EFCAB6: variants seen among roughly 807,000 people sequenced by gnomAD.
EFCAB6 encodes the protein EF-hand calcium binding domain 6.
Under a neutral mutation model 169.8 loss-of-function variants are expected in EFCAB6, and 156 were observed. The ratio of observed to expected loss-of-function variants is 0.92; its 90% CI spans 0.81 to 1.05. EFCAB6 has a LOEUF of 1.05. EFCAB6 is among the 50% of genes least tolerant of loss of function. EFCAB6 has a pLI of 0.00. For synonymous variants in EFCAB6, 698 were observed against 676.4 expected (o/e 1.03, Z -0.50); for missense variants, 1,800 against 1,829.1 (o/e 0.98, Z 0.29).
intron 17 of EFCAB6, among the ~76,000 whole-genome samples, chr22:43,661,290 A>G (rs1344864334): frequency 6.6e-6 from 1 of 152,098 alleles, no homozygotes; most frequent in Non-Finnish European, 1.5e-5. Context: ...CAGTGGGAGG[A>G]TCACTTCAGC....
intron 17 of EFCAB6, among the ~76,000 whole-genome samples, chr22:43,651,220 G>A (rs1460950689): frequency 6.6e-6 from 1 of 152,196 alleles, no homozygotes; most frequent in African/African-American, 2.4e-5. Flanking sequence ...GCTGGGCCCA[G>A]GGTCCCTGAG....
At chr22:43,608,425 C>G (rs12485238) in intron 22 of EFCAB6, 57 bp downstream of exon 22, 79,679 of 1,511,256 alleles carry the variant, frequency 0.053, 2,445 homozygotes, top group Admixed American at 0.091. Context: ...GAATTTGCCA[C>G]AGCAAGCACC....
At chr22:43,641,886 TA>T (rs1206018512) in intron 17 of EFCAB6, among the ~76,000 whole-genome samples, 1 of 152,212 alleles carries the variant, frequency 6.6e-6, no homozygotes, top group Non-Finnish European at 1.5e-5. Flanking sequence ...TGTTTATATT[TA>T]AGCCAGAGAT....
At chr22:43,619,977 T>C (rs764544144) in intron 20 of EFCAB6, among the ~76,000 whole-genome samples, 6 of 151,956 alleles carry the variant, frequency 3.9e-5, no homozygotes, top group Non-Finnish European at 7.4e-5. Flanking sequence ...AATCATAAAT[T>C]ATAATCAATT....
At chr22:43,683,929 C>G (rs1312761955) in intron 11 of EFCAB6, 74 bp from the exon 12 acceptor site, 28 of 1,104,188 alleles carry the variant, frequency 2.5e-5, no homozygotes, top group Non-Finnish European at 3.3e-5. Flanking sequence ...ATGCAAGAAA[C>G]AAGCACCCTC....
At chr22:43,676,045 T>C (rs927756595) in intron 13 of EFCAB6, among the ~76,000 whole-genome samples, 8 of 150,862 alleles carry the variant, frequency 5.3e-5, no homozygotes, top group Non-Finnish European at 1.5e-5. Flanking sequence ...TTATGATGAG[T>C]TTTTAATGAT....
intron 30 of EFCAB6, among the ~76,000 whole-genome samples, chr22:43,534,448 T>C (rs1243558263): frequency 6.6e-6 from 1 of 152,184 alleles, no homozygotes; most frequent in Admixed American, 6.5e-5. Context: ...AATGGACTAA[T>C]ACATCCCATC....
At chr22:43,811,245 A>C (rs1297936546) in intron 1 of EFCAB6, among the ~76,000 whole-genome samples, 1 of 145,742 alleles carries the variant, frequency 6.9e-6, no homozygotes, top group Non-Finnish European at 1.5e-5. Flanking sequence ...GCTGCACTCC[A>C]GCCTGGGTGA....
chr22:43,802,657 G>T, intron 2 of EFCAB6: 1 of 475,216 alleles, frequency 2.1e-6, no homozygotes, highest in Non-Finnish European at 4.2e-6. Flanking sequence ...AGAGAGAGAA[G>T]GTACACAAAG....
At chr22:43,600,291 A>T (rs1459966121) in intron 22 of EFCAB6, 28 bp from the exon 23 acceptor site, 5 of 1,609,380 alleles carry the variant, frequency 3.1e-6, no homozygotes, top group Non-Finnish European at 3.4e-6. Flanking sequence ...AACAGAAAGC[A>T]CTTCTCAGTA....
intron 6 of EFCAB6, among the ~76,000 whole-genome samples, chr22:43,754,975 TATC>T (rs1320315363): frequency 2.0e-5 from 3 of 151,944 alleles, no homozygotes; most frequent in Non-Finnish European, 4.4e-5. Context: ...GCTAAGAAAT[TATC>T]ATATTGAGAT....
chr22:43,541,659 G>A (rs779430481), intron 27 of EFCAB6, among the ~76,000 whole-genome samples: 9 of 152,154 alleles, frequency 5.9e-5, no homozygotes, highest in Admixed American at 2.0e-4. Flanking sequence ...AGACCTCACC[G>A]GCACCAAGTA....
At chr22:43,802,694 AAGG>A (rs2062768897) in intron 2 of EFCAB6, 2 of 506,870 alleles carry the variant, frequency 3.9e-6, no homozygotes, top group African/African-American at 2.0e-5. Flanking sequence ...TGATATTGGC[AAGG>A]AGGAGAATAA....
chr22:43,585,746 C>T (rs536632884), intron 24 of EFCAB6, among the ~76,000 whole-genome samples: 2 of 152,064 alleles, frequency 1.3e-5, no homozygotes, highest in Non-Finnish European at 2.9e-5. Flanking sequence ...AAGAGAAAAT[C>T]TTGAAATAAG....
chr22:43,772,950 AT>A lies in EFCAB6; in HGVS notation c.292del (p.Ile98SerfsTer6). On this transcript the variant is annotated frameshift_variant, in exon 4 of 32. Coordinates refer to ENST00000262726, the MANE Select transcript of EFCAB6 (RefSeq NM_022785.4). LOFTEE classifies it high-confidence loss of function. The part of the protein sequence containing the change: ...LTVSKSELRR[I>X]ITDFLMPLTR... The stretch of plus-strand genomic sequence containing the variant: ...GAGCGGCATCAGGAAGTCTGTGATG[AT>A]TCTTCTCAGTTCACTTTTTGACACA... The A allele has an allele frequency of 6.2e-7, 1 of 1,614,212 alleles. No individual in the cohort carries two copies. Among genetic ancestry groups the A allele is most frequent in the African/African-American group, 1.3e-5 (1 of 75,058 alleles).
At position 43,580,654 on chromosome 22, in the gene EFCAB6, C is replaced by T. The variant is rs1313680391; in HGVS notation, c.3038G>A (p.Gly1013Glu). 3 of 1,613,540 alleles carry T rather than the reference C, an allele frequency of 1.9e-6. No individual in the cohort carries two copies. Among genetic ancestry groups the T allele is most frequent in the Middle Eastern group, 1.6e-4 (1 of 6,084 alleles). Residue 1013 changes from glycine to glutamate, a missense_variant, in exon 25 of 32, where the codon GGA (glycine) becomes GAA (glutamate). Physicochemically the swap from Gly to Glu is moderately conservative, Grantham distance 98 (BLOSUM62 -2). Coordinates refer to ENST00000262726, the MANE Select transcript of EFCAB6 (RefSeq NM_022785.4). ...GELTHLLNSWGVSRHDNAINY... is the reference protein window; with the variant it reads ...GELTHLLNSWEVSRHDNAINY... Reference sequence around the variant, plus strand: ...GATAGCATTATCATGCCGGCTGACTCCCCAACTTGTCCCAAAAGGAAGAAA... The same window carrying T: ...GATAGCATTATCATGCCGGCTGACTTCCCAACTTGTCCCAAAAGGAAGAAA...
intron 27 of EFCAB6, among the ~76,000 whole-genome samples, chr22:43,550,032 T>C (rs183619964): frequency 1.0e-3 from 159 of 152,306 alleles, no homozygotes; most frequent in Non-Finnish European, 1.9e-3. Context: ...AGAATATCTA[T>C]TGTGGTCAGG....
rs1441320849 is a variant in EFCAB6, at chr22:43,654,166, T to C, written c.1983+12938A>G. 2.6e-5 allele frequency among the ~76,000 whole-genome samples: 4 copies of C among 152,144 alleles called. No individual in the cohort carries two copies. The East Asian group carries it at 5.8e-4, about 22-fold the overall frequency. ...ATAATGAGGCATGAGTCCATTCTAA[T>C]ATGAATAAATGGTTGAGTAAGTTAG... is the stretch of plus-strand genomic sequence containing the variant. On this transcript the variant is annotated intron_variant, in intron 17 of 31. Transcript: ENST00000262726.
chr22:43,577,632 C>T (rs542242723), intron 25 of EFCAB6, among the ~76,000 whole-genome samples: 93 of 152,304 alleles, frequency 6.1e-4, no homozygotes, highest in South Asian at 1.2e-3. Flanking sequence ...AAAATGCCCC[C>T]ATCCAGGTAC....
Sources: allele counts gnomAD v4.1 joint callset (sites outside exome capture counted in the v4.1 genomes callset), GRCh38; gene constraint gnomAD v4.1.1; transcripts MANE v1.5; gene names NCBI Gene and HGNC (gene_info 2026-07-23, HGNC 2026-07-21).